Variants in DNAAF5 observed in about 807,000 individuals in gnomAD.
DNAAF5 encodes dynein axonemal assembly factor 5, also known as HEAT repeat containing 2.
Under a neutral mutation model 75.8 loss-of-function variants are expected in DNAAF5, and 64 were observed. The ratio of observed to expected loss-of-function variants is 0.84; its 90% confidence interval spans 0.69 to 1.04. The LOEUF (loss-of-function observed/expected upper bound fraction) is 1.04, where lower values mean the gene tolerates loss of function less well. DNAAF5 is among the 50% of genes least tolerant of loss of function. DNAAF5 has a pLI of 0.00. For missense variants in DNAAF5, 1,269 were observed against 1,178.5 expected, an observed-to-expected ratio of 1.08 and a Z score of -1.12; for synonymous variants, 657 against 557.2, an observed-to-expected ratio of 1.18 and a Z score of -2.52.
chr7:728,017 C>G (rs1583469870), intron 1 of DNAAF5, among the ~76,000 whole-genome samples: 1 of 152,170 alleles, frequency 6.6e-6, no homozygotes, highest in South Asian at 2.1e-4. Context: ...ATTTCACTTT[C>G]TGTCCCATTC....
intron 2 of DNAAF5, among the ~76,000 whole-genome samples, chr7:736,557 T>A (rs547295544): frequency 8.3e-4 from 127 of 152,364 alleles, no homozygotes; most frequent in African/African-American, 2.9e-3. Context: ...ATGGAATATC[T>A]TTTTTCGCAT....
At chr7:753,062 C>T (rs1409866718) in intron 4 of DNAAF5, among the ~76,000 whole-genome samples, 2 of 152,368 alleles carry the variant, frequency 1.3e-5, no homozygotes, top group African/African-American at 2.4e-5. Context: ...TACCGCGTGC[C>T]GCTGAGAGTG....
At position 729,695 on chromosome 7, in the gene DNAAF5, G is replaced by A. The variant is rs767022738; in HGVS notation, c.628G>A (p.Gly210Arg). 8 of 1,614,008 alleles carry A rather than the reference G, an allele frequency of 5.0e-6. No homozygotes were observed. Among genetic ancestry groups the A allele is most frequent in the East Asian group, 2.2e-5 (1 of 44,886 alleles). Residue 210 changes from glycine to arginine, a missense_variant, in exon 2 of 13, where the codon GGG becomes AGG. Physicochemically the swap from Gly to Arg is moderately radical, Grantham distance 125 (BLOSUM62 -2). Transcript: ENST00000297440. ...CCACATGCAGTCGGAGTCTCTGATC[G>A]GGCCCCTGATGCAGACCATCTCCCA... is the stretch of plus-strand genomic sequence containing the variant. The part of the protein sequence containing the change: ...HFHMQSESLI[G>R]PLMQTISHQH...
chr7:738,179 CAT>C (rs1369941175), intron 2 of DNAAF5, among the ~76,000 whole-genome samples: 4 of 152,232 alleles, frequency 2.6e-5, no homozygotes, highest in East Asian at 1.9e-4. Flanking sequence ...CTTTCTTCCA[CAT>C]AGTCAGTTCT....
At chr7:757,258 C>G (rs554122762) in intron 6 of DNAAF5, among the ~76,000 whole-genome samples, 3 of 152,354 alleles carry the variant, frequency 2.0e-5, no homozygotes, top group East Asian at 3.9e-4. Flanking sequence ...GCCCCAGCCC[C>G]AGCTGCAGGC....
chr7:726,789 G>A lies in DNAAF5; in HGVS notation c.69G>A (p.Glu23=), dbSNP rs540763017. The change falls in exon 1 of 13, where the codon GAG becomes GAA. Residue 23 remains glutamate (E), a synonymous_variant. Coordinates refer to ENST00000297440, the MANE Select transcript of DNAAF5 (RefSeq NM_017802.4). ...PHPAEGAETA[E]AVELSRALSR... ...CGGCTGAGGGGGCCGAGACGGCTGAGGCGGTGGAGCTGAGCCGCGCCCTGA... is the reference window on the plus strand; with the variant it reads ...CGGCTGAGGGGGCCGAGACGGCTGAAGCGGTGGAGCTGAGCCGCGCCCTGA... 3.1e-6 allele frequency: 4 copies of A among 1,283,428 alleles called. No homozygotes were observed. In the East Asian group the frequency reaches 9.4e-5, roughly 30 times the overall value. The allele number at this position is 1,283,428 out of a possible 1,614,324, so 79.5% of individuals were successfully genotyped here.
At position 748,360 on chromosome 7, in the gene DNAAF5, T is replaced by A. The variant is rs188559401; in HGVS notation, c.1025-6229T>A. On this transcript the variant is annotated intron_variant, in intron 4 of 12. Transcript: ENST00000297440. ...GGCCCATGGTGTTTTACTTTGCGATTCCCTAATGAGAGGACATTGGGGCCT... is the reference window on the plus strand; with the variant it reads ...GGCCCATGGTGTTTTACTTTGCGATACCCTAATGAGAGGACATTGGGGCCT... Among the ~76,000 whole-genome samples the A allele has an allele frequency of 3.2e-3, 483 of 152,322 alleles. 5 individuals carry two copies. The highest frequency in any genetic ancestry group is 7.6e-4 in the Non-Finnish European group (52 of 68,030).
intron 4 of DNAAF5, among the ~76,000 whole-genome samples, chr7:743,180 A>T (rs1781968855): frequency 6.6e-6 from 1 of 152,168 alleles, no homozygotes; most frequent in South Asian, 2.1e-4. Flanking sequence ...CCTGGGCAAC[A>T]CAGCAAGACT....
At chr7:766,651 C>T (rs184907681) in intron 8 of DNAAF5, among the ~76,000 whole-genome samples, 9 of 152,294 alleles carry the variant, frequency 5.9e-5, no homozygotes, top group East Asian at 1.9e-4. Flanking sequence ...CGGTGGCTCA[C>T]GCCTATAATC....
chr7:728,412 T>C (rs760523105), intron 1 of DNAAF5, among the ~76,000 whole-genome samples: 1 of 152,032 alleles, frequency 6.6e-6, no homozygotes, highest in Non-Finnish European at 1.5e-5. Flanking sequence ...TAGACCCGAG[T>C]TCAGGTTGTT....
chr7:779,761 G>A lies in DNAAF5; in HGVS notation c.2240-192G>A, dbSNP rs542624346. On this transcript the variant is annotated intron_variant, in intron 11 of 12. Coordinates refer to ENST00000297440, the MANE Select transcript of DNAAF5 (RefSeq NM_017802.4). ...GGGCCGCCTCCACTCTGTTGGCTGG[G>A]GTTCAGGGGTCCCAGGTCGCCAGGA... The A allele has an allele frequency of 1.9e-5, 11 of 577,882 alleles. No homozygotes were observed. The East Asian group carries it at 2.7e-4, about 14-fold the overall frequency. 35.8% of individuals were successfully genotyped at this position (577,882 alleles called of 1,614,324 possible). A position where few individuals can be genotyped will look rare whatever the true frequency, so the allele number is the denominator to read the frequency against.
At chr7:738,325 T>G (rs1254891244) in intron 2 of DNAAF5, among the ~76,000 whole-genome samples, 2 of 152,186 alleles carry the variant, frequency 1.3e-5, no homozygotes, top group Non-Finnish European at 2.9e-5. Context: ...TTTCTCCATG[T>G]TATCTTGGAT....
intron 2 of DNAAF5, 31 bp downstream of exon 2, chr7:729,878 C>G (rs763071622): frequency 6.2e-7 from 1 of 1,608,890 alleles, no homozygotes; most frequent in Non-Finnish European, 8.5e-7. Flanking sequence ...ACAGTCTGTT[C>G]CTCTCTCCAA....
intron 2 of DNAAF5, 24 bp from the exon 3 acceptor site, chr7:740,795 C>T (rs773450351): frequency 1.9e-6 from 3 of 1,612,504 alleles, no homozygotes; most frequent in Non-Finnish European, 2.5e-6. Context: ...TACACGAATC[C>T]TTATCCCTTC....
intron 8 of DNAAF5, among the ~76,000 whole-genome samples, chr7:766,601 G>T (rs1424897806): frequency 6.6e-6 from 1 of 152,158 alleles, no homozygotes; most frequent in Non-Finnish European, 1.5e-5. Flanking sequence ...GTTACATAAA[G>T]CTGACACAAA....
At position 727,206 on chromosome 7, in the gene DNAAF5, C is replaced by G. The variant is rs1426174455; in HGVS notation, c.486C>G (p.Pro162=). 7.4e-6 allele frequency: 10 copies of G among 1,349,198 alleles called. No individual in the cohort carries two copies. Among genetic ancestry groups the G allele is most frequent in the South Asian group, 6.8e-5 (4 of 59,242 alleles). The allele number at this position is 1,349,198 out of a possible 1,614,324, so 83.6% of individuals were successfully genotyped here. The change falls in exon 1 of 13, where the codon CCC becomes CCG. Residue 162 remains proline (P), a synonymous_variant. Transcript: ENST00000297440. ...ACCTGTGCGGCGCCGCGCTCGCGCC[C>G]CACCTGGACGACGCTCTGCGCGCGC... is the stretch of plus-strand genomic sequence containing the variant. ...AVDLCGAALA[P]HLDDALRALR...
Position 750,155 on chromosome 7 carries a change from ACACT to A in DNAAF5, c.1025-4425_1025-4422del, listed in dbSNP as rs1334642607. Among the ~76,000 whole-genome samples the A allele has an allele frequency of 3.3e-5, 5 of 152,118 alleles. No homozygotes were observed. In the South Asian group the frequency reaches 6.2e-4, roughly 19 times the overall value. ...GTTTCTCCTTTTTCTGTGTTTGGAA[ACACT>A]CACTCACTGTCTGTGCTACAGTTTC... is the stretch of plus-strand genomic sequence containing the variant. On this transcript the variant is annotated intron_variant, in intron 4 of 12. Coordinates refer to ENST00000297440, the MANE Select transcript of DNAAF5 (RefSeq NM_017802.4).
intron 1 of DNAAF5, among the ~76,000 whole-genome samples, chr7:728,454 T>A (rs1343415577): frequency 2.0e-5 from 3 of 152,164 alleles, no homozygotes; most frequent in African/African-American, 7.2e-5. Context: ...GGAGAATAGA[T>A]TCCAGAAGTA....
intron 3 of DNAAF5, among the ~76,000 whole-genome samples, 188 bp downstream of exon 3, chr7:741,131 C>A (rs1205364782): frequency 6.6e-6 from 1 of 152,218 alleles, no homozygotes; most frequent in Non-Finnish European, 1.5e-5. Context: ...TAACATTGGA[C>A]TGAGTATATC....
Sources: gnomAD v4.1 joint callset for allele counts (sites outside exome capture counted in the v4.1 genomes callset) on GRCh38, gnomAD v4.1.1 for gene constraint, MANE v1.5 for transcripts, NCBI Gene and HGNC (gene_info 2026-07-23, HGNC 2026-07-21) for gene names.